The following KLK9 variants were observed in gnomAD, a reference collection of about 807,000 sequenced individuals.
KLK9 encodes kallikrein related peptidase 9.
A neutral mutation model predicts 23.3 loss-of-function variants in KLK9; 26 were observed. That is an observed-to-expected ratio of 1.12 (90% CI 0.82 to 1.55). KLK9 has a LOEUF of 1.55. KLK9 is among the 40% of genes most tolerant of loss of function. The probability of loss-of-function intolerance (pLI) is 0.00; values close to 1 mark genes in which losing one functional copy is unlikely to be tolerated. For missense variants in KLK9, 346 were observed against 333.7 expected, an observed-to-expected ratio of 1.04 and a Z score of -0.29; for synonymous variants, 122 against 128.5, an observed-to-expected ratio of 0.95 and a Z score of 0.34.
At position 51,006,364 on chromosome 19, in the gene KLK9, G is replaced by C; in HGVS notation, c.466+94C>G. The C allele has an allele frequency of 8.4e-7, 1 of 1,193,072 alleles. No individual in the cohort carries two copies. The highest frequency in any genetic ancestry group is 1.2e-6 in the Non-Finnish European group (1 of 867,212). The allele number at this position is 1,193,072 out of a possible 1,614,324, so 73.9% of individuals were successfully genotyped here. Reference sequence around the variant, plus strand: ...GCAGATAGATAGACTGACAGAGAGAGAGAGGAGAGAGAAAAGGAGAAGACA... The same window carrying C: ...GCAGATAGATAGACTGACAGAGAGACAGAGGAGAGAGAAAAGGAGAAGACA... On this transcript the variant is annotated intron_variant, in intron 3 of 4. Transcript: ENST00000594211. This position sits in a 1 kb window ranked among gnomAD's most constrained non-coding sequence, Gnocchi z 4.1.
chr19:51,006,745 G>A lies in KLK9; in HGVS notation c.201-22C>T. ...ATACCTGCTGGGACAGGCCTCAGAG[G>A]TCAAGCTGGGGGAAAGGTAAAAGTC... On this transcript the variant is annotated intron_variant, in intron 2 of 4. Coordinates refer to ENST00000594211, the MANE Select transcript of KLK9 (RefSeq NM_012315.2). This position sits in a 1 kb window ranked among gnomAD's most constrained non-coding sequence, Gnocchi z 4.1. 4 of 1,542,004 alleles carry A rather than the reference G, an allele frequency of 2.6e-6. No homozygotes were observed. The highest frequency in any genetic ancestry group is 2.6e-6 in the Non-Finnish European group (3 of 1,143,028).
rs1199648061 is a variant in KLK9 at position 51,006,483 on chromosome 19, G to T, written c.441C>A (p.Gly147=). 1 of 1,612,420 alleles carries T rather than the reference G, an allele frequency of 6.2e-7. No homozygotes were observed. The highest frequency in any genetic ancestry group is 8.5e-7 in the Non-Finnish European group (1 of 1,179,028). ...VSPGMQCLIS[G]WGAVSSPKAL... ...CCTTGGGGCTGGACACGGCCCCCCA[G>T]CCTGAGATGAGACACTGCATGCCTG... Residue 147 remains glycine (G), a synonymous_variant, in exon 3 of 5, where the codon GGC becomes GGA. Coordinates refer to ENST00000594211, the MANE Select transcript of KLK9 (RefSeq NM_012315.2). This position sits in a 1 kb window ranked among gnomAD's most constrained non-coding sequence, Gnocchi z 4.1.
chr19:51,006,125 A>AAAAC lies in KLK9; in HGVS notation c.466+329_466+332dup, dbSNP rs60620559. 0.17 allele frequency among the ~76,000 whole-genome samples: 25,996 copies of AAAAC among 150,302 alleles called. 2,631 individuals carry two copies. Among genetic ancestry groups the AAAAC allele is most frequent in the African/African-American group, 0.25 (10,243 of 40,888 alleles). On this transcript the variant is annotated intron_variant, in intron 3 of 4. Coordinates refer to ENST00000594211, the MANE Select transcript of KLK9 (RefSeq NM_012315.2). This position sits in a 1 kb window ranked among gnomAD's most constrained non-coding sequence, Gnocchi z 4.1. ...AGCAACAAAGCGAGACCCTGTCTCA[A>AAAAC]AAACAAACAAACAAACAAACAAACA...
intron 4 of KLK9, 61 bp from the exon 5 acceptor site, chr19:51,003,321 G>C: frequency 6.6e-7 from 1 of 1,518,194 alleles, no homozygotes; most frequent in East Asian, 2.3e-5. Flanking sequence ...AATTACACGG[G>C]CCACTTCCTC....
At position 51,006,835 on chromosome 19, in the gene KLK9, C is replaced by T; in HGVS notation, c.201-112G>A. The T allele has an allele frequency of 8.6e-7, 1 of 1,159,520 alleles. No homozygotes were observed. Among genetic ancestry groups the T allele is most frequent in the Admixed American group, 3.0e-5 (1 of 33,434 alleles). The allele number at this position is 1,159,520 out of a possible 1,614,324, so 71.8% of individuals were successfully genotyped here. The stretch of plus-strand genomic sequence containing the variant: ...TGTGTGACCCTCTGCAAGCCACACA[C>T]CCTCTCTGCACCCTCATCATCTATG... On this transcript the variant is annotated intron_variant, in intron 2 of 4. Coordinates refer to ENST00000594211, the MANE Select transcript of KLK9 (RefSeq NM_012315.2). The surrounding 1 kb of genome is among the most constrained non-coding windows in gnomAD (Gnocchi z 4.1).
Position 51,006,544 on chromosome 19 carries a change from A to G in KLK9, c.380T>C (p.Val127Ala). 1.2e-6 allele frequency: 2 copies of G among 1,613,226 alleles called. No individual in the cohort carries two copies. The highest frequency in any genetic ancestry group is 1.3e-5 in the African/African-American group (1 of 75,010). Reference protein sequence around the residue: ...LPRQARLSPAVQPLNLSQTCV... With the variant: ...LPRQARLSPAAQPLNLSQTCV... Reference sequence around the variant, plus strand: ...GGTCTGGCTGAGGTTGAGGGGCTGCACAGCAGGACTCAGACGTGCCTGCCT... The same window carrying G: ...GGTCTGGCTGAGGTTGAGGGGCTGCGCAGCAGGACTCAGACGTGCCTGCCT... Residue 127 changes from valine to alanine, a missense_variant, in exon 3 of 5, where the codon GTG becomes GCG. By Grantham distance (64) the Val-to-Ala change is moderately conservative. Transcript: ENST00000594211. This position sits in a 1 kb window ranked among gnomAD's most constrained non-coding sequence, Gnocchi z 4.1.
chr19:51,005,263 C>T (rs80253708), intron 3 of KLK9, among the ~76,000 whole-genome samples: 1,826 of 152,248 alleles, frequency 0.012, 20 homozygotes, highest in Middle Eastern at 0.051. Context: ...CTAAGATGAA[C>T]GCATTTCACA....
chr19:51,009,451 G>C lies in KLK9; in HGVS notation c.43+54C>G. On this transcript the variant is annotated intron_variant, in intron 1 of 4. Transcript: ENST00000594211. The surrounding 1 kb of genome is among the most constrained non-coding windows in gnomAD (Gnocchi z 4.8). ...GGCAGAAGCCTGGGATGGGAGGGAA[G>C]AGCAAGGTGACCTTAGTACAGCCGT... 2 of 1,571,570 alleles carry C rather than the reference G, an allele frequency of 1.3e-6. No individual in the cohort carries two copies. Among genetic ancestry groups the C allele is most frequent in the Non-Finnish European group, 1.7e-6 (2 of 1,157,924 alleles).
At chr19:51,004,823 CAG>C (rs1435451690) in intron 3 of KLK9, among the ~76,000 whole-genome samples, 2 of 151,810 alleles carry the variant, frequency 1.3e-5, no homozygotes, top group Non-Finnish European at 2.9e-5. Context: ...GAGACATAGA[CAG>C]AGATACCAGA....
At chr19:51,003,475 A>C (rs770034724) in intron 4 of KLK9, among the ~76,000 whole-genome samples, 5 of 151,680 alleles carry the variant, frequency 3.3e-5, no homozygotes, top group Non-Finnish European at 7.4e-5. Flanking sequence ...GAGGACTCAG[A>C]CTCTGGACGC....
intron 2 of KLK9, among the ~76,000 whole-genome samples, chr19:51,008,167 T>C (rs1162273471): frequency 1.0e-5 from 1 of 95,946 alleles, no homozygotes; most frequent in Admixed American, 1.2e-4. Flanking sequence ...CCGTCTCTAC[T>C]AAAAAAAAAA....
rs187191037 is a variant in KLK9, at chr19:51,005,447, A to G, written c.466+1011T>C. Among the ~76,000 whole-genome samples, 435 of 152,334 alleles carry G rather than the reference A, an allele frequency of 2.9e-3. 2 individuals carry two copies. Among genetic ancestry groups the G allele is most frequent in the African/African-American group, 0.01 (416 of 41,570 alleles). On this transcript the variant is annotated intron_variant, in intron 3 of 4. Coordinates refer to ENST00000594211, the MANE Select transcript of KLK9 (RefSeq NM_012315.2). ...AGGAGGTCCCATCATGGAGCAATGC[A>G]TGATGGGAAATTCCCACCCAGCATC...
At chr19:51,007,576 A>G (rs1443679585) in intron 2 of KLK9, among the ~76,000 whole-genome samples, 5 of 151,570 alleles carry the variant, frequency 3.3e-5, no homozygotes, top group Non-Finnish European at 2.9e-5. Flanking sequence ...TTCCACCTTC[A>G]TATCTCTGCA....
At chr19:51,004,893 T>C (rs1266364827) in intron 3 of KLK9, among the ~76,000 whole-genome samples, 1 of 152,118 alleles carries the variant, frequency 6.6e-6, no homozygotes, top group African/African-American at 2.4e-5. Flanking sequence ...TGCATCTATA[T>C]AAGACATGGG....
rs1323906583 is a variant in KLK9, at chr19:51,003,854, G to A, written c.467-14C>T. 6.2e-7 allele frequency: 1 copy of A among 1,612,528 alleles called. No individual in the cohort carries two copies. The highest frequency in any genetic ancestry group is 1.7e-4 in the Middle Eastern group (1 of 6,058). ...CTGGAAACAGCGCTGTCAGGGAAGAGAACTGTCAAGGATCTGCAACTGTCT... is the reference window on the plus strand; with the variant it reads ...CTGGAAACAGCGCTGTCAGGGAAGAAAACTGTCAAGGATCTGCAACTGTCT... On this transcript the variant is annotated splice_polypyrimidine_tract_variant and intron_variant, in intron 3 of 4. Transcript: ENST00000594211.
chr19:51,009,404 C>A lies in KLK9; in HGVS notation c.44-65G>T, dbSNP rs986790958. On this transcript the variant is annotated intron_variant, in intron 1 of 4. Transcript: ENST00000594211. The surrounding 1 kb of genome is among the most constrained non-coding windows in gnomAD (Gnocchi z 4.8). ...AGGCTGGGAGGGCAGGGAGAGGATG[C>A]TGAGAAGCCTAGAGGGCAGGAGGCA... 7 of 1,543,690 alleles carry A rather than the reference C, an allele frequency of 4.5e-6. No individual in the cohort carries two copies. The African/African-American group carries it at 9.5e-5, about 21-fold the overall frequency.
At position 51,006,846 on chromosome 19, in the gene KLK9, C is replaced by T; in HGVS notation, c.201-123G>A. 2 of 1,053,258 alleles carry T rather than the reference C, an allele frequency of 1.9e-6. No individual in the cohort carries two copies. Among genetic ancestry groups the T allele is most frequent in the Non-Finnish European group, 1.3e-6 (1 of 746,904 alleles). 65.2% of individuals were successfully genotyped at this position (1,053,258 alleles called of 1,614,324 possible). A position where few individuals can be genotyped will look rare whatever the true frequency, so the allele number is the denominator to read the frequency against. ...CTGCAAGCCACACACCCTCTCTGCA[C>T]CCTCATCATCTATGTCTGGCCCAGG... On this transcript the variant is annotated intron_variant, in intron 2 of 4. Coordinates refer to ENST00000594211, the MANE Select transcript of KLK9 (RefSeq NM_012315.2). This position sits in a 1 kb window ranked among gnomAD's most constrained non-coding sequence, Gnocchi z 4.1.
At position 51,009,429 on chromosome 19, in the gene KLK9, A is replaced by T; in HGVS notation, c.43+76T>A. On this transcript the variant is annotated intron_variant, in intron 1 of 4. Transcript: ENST00000594211. The surrounding 1 kb of genome is among the most constrained non-coding windows in gnomAD (Gnocchi z 4.8). The stretch of plus-strand genomic sequence containing the variant: ...CTGAGAAGCCTAGAGGGCAGGAGGC[A>T]GAAGCCTGGGATGGGAGGGAAGAGC... 4 of 1,557,442 alleles carry T rather than the reference A, an allele frequency of 2.6e-6. No homozygotes were observed. Among genetic ancestry groups the T allele is most frequent in the Non-Finnish European group, 2.6e-6 (3 of 1,150,466 alleles).
In KLK9 at chr19:51,009,438, G is replaced by A; in HGVS notation, c.43+67C>T. On this transcript the variant is annotated intron_variant, in intron 1 of 4. Transcript: ENST00000594211. The surrounding 1 kb of genome is among the most constrained non-coding windows in gnomAD (Gnocchi z 4.8). ...CTAGAGGGCAGGAGGCAGAAGCCTG[G>A]GATGGGAGGGAAGAGCAAGGTGACC... 1 of 1,562,742 alleles carries A rather than the reference G, an allele frequency of 6.4e-7. No individual in the cohort carries two copies.
Sources: gnomAD v4.1 joint callset for allele counts (sites outside exome capture counted in the v4.1 genomes callset) on GRCh38, gnomAD v4.1.1 for gene constraint, Gnocchi (gnomAD v3.1) non-coding constraint, MANE v1.5 for transcripts, NCBI Gene and HGNC (gene_info 2026-07-23, HGNC 2026-07-21) for gene names.